The following XYLT1 variants were observed in gnomAD, a reference collection of about 807,000 sequenced individuals.
XYLT1 encodes the protein xylosyltransferase 1.
In XYLT1, 36 loss-of-function variants were observed where a neutral mutation model predicts 91.3. The ratio of observed to expected loss-of-function variants is 0.39; its 90% CI spans 0.30 to 0.52. The LOEUF (loss-of-function observed/expected upper bound fraction) is 0.52. Ranked by LOEUF, XYLT1 falls within the 20% of genes least tolerant of loss-of-function variation. XYLT1 has a pLI of 0.68. For missense variants in XYLT1, 1,242 were observed against 1,284.5 expected (o/e 0.97, Z 0.51); for synonymous variants, 588 against 532.0 (o/e 1.11, Z -1.45).
At chr16:17,414,334 T>C (rs1023493749) in intron 1 of XYLT1, among the ~76,000 whole-genome samples, 3 of 151,812 alleles carry the variant, frequency 2.0e-5, no homozygotes, top group African/African-American at 7.3e-5. Context: ...TTCATTTATT[T>C]GTATTTATTT....
chr16:17,399,136 C>T (rs1475009520), intron 1 of XYLT1, among the ~76,000 whole-genome samples: 1 of 152,152 alleles, frequency 6.6e-6, no homozygotes, highest in Non-Finnish European at 1.5e-5. Flanking sequence ...GGTCAACTTC[C>T]AATGTACTGG....
chr16:17,201,529 C>T (rs2032542004), intron 3 of XYLT1, among the ~76,000 whole-genome samples: 1 of 148,894 alleles, frequency 6.7e-6, no homozygotes, highest in Non-Finnish European at 1.5e-5. Context: ...GGCTGCAGTG[C>T]AGTGGTGCGA....
At chr16:17,249,485 T>C (rs971323548) in intron 3 of XYLT1, among the ~76,000 whole-genome samples, 2 of 152,160 alleles carry the variant, frequency 1.3e-5, no homozygotes, top group Non-Finnish European at 2.9e-5. Context: ...TCTAAACCAA[T>C]GTCAGGCACA....
At position 17,167,185 on chromosome 16, in the gene XYLT1, T is replaced by A. The variant is rs935631950; in HGVS notation, c.1290-8276A>T. 1.1e-4 allele frequency among the ~76,000 whole-genome samples: 16 copies of A among 152,294 alleles called. No individual in the cohort carries two copies. In the East Asian group the frequency reaches 3.1e-3, roughly 29 times the overall value. On this transcript the variant is annotated intron_variant, in intron 5 of 11. Transcript: ENST00000261381. ...GTTTTCAATCCCGCTTTCCCCGTGGTGAATAAGCTTCAGGAATGTGATCCA... is the reference window on the plus strand; with the variant it reads ...GTTTTCAATCCCGCTTTCCCCGTGGAGAATAAGCTTCAGGAATGTGATCCA...
At chr16:17,151,545 C>T (rs182068676) in intron 6 of XYLT1, among the ~76,000 whole-genome samples, 78 of 152,146 alleles carry the variant, frequency 5.1e-4, no homozygotes, top group African/African-American at 1.4e-3. Context: ...AAAATGGGCA[C>T]GATGATGATC....
intron 2 of XYLT1, among the ~76,000 whole-genome samples, chr16:17,292,081 T>TACACACACACACACAC (rs10568382): frequency 5.1e-4 from 76 of 149,084 alleles, no homozygotes; most frequent in African/African-American, 1.7e-3. Flanking sequence ...CACTAAACCA[T>TACACACACACACACAC]ACACACACAC....
chr16:17,181,265 C>T (rs1416545883), intron 5 of XYLT1, among the ~76,000 whole-genome samples: 1 of 152,152 alleles, frequency 6.6e-6, no homozygotes, highest in Non-Finnish European at 1.5e-5. Flanking sequence ...CTACCTTCCT[C>T]ACTCTCATCA....
rs781175765 is a variant in XYLT1, at chr16:17,117,638, G to C, written c.2557+8C>G. 1 of 1,608,390 alleles carries C rather than the reference G, an allele frequency of 6.2e-7. No individual in the cohort carries two copies. The highest frequency in any genetic ancestry group is 1.1e-5 in the South Asian group (1 of 90,654). ...TATTTCTCCCACATAGACACTGGGA[G>C]TACTTACCAGGTTTGATGGGCTGCC... On this transcript the variant is annotated splice_region_variant and intron_variant, in intron 11 of 11. Transcript: ENST00000261381.
At chr16:17,221,832 T>A (rs569314652) in intron 3 of XYLT1, among the ~76,000 whole-genome samples, 16 of 152,230 alleles carry the variant, frequency 1.1e-4, no homozygotes, top group Admixed American at 3.3e-4. Flanking sequence ...AAATCCAGTA[T>A]GAGCCAGGGC....
chr16:17,247,162 T>TTCATTCAC (rs1555490719), intron 3 of XYLT1, among the ~76,000 whole-genome samples: 7 of 151,108 alleles, frequency 4.6e-5, no homozygotes, highest in African/African-American at 1.5e-4. Flanking sequence ...CATTTATTCA[T>TTCATTCAC]TCACTCATTC....
intron 1 of XYLT1, among the ~76,000 whole-genome samples, chr16:17,392,903 C>G (rs2035838506): frequency 6.6e-6 from 1 of 152,158 alleles, no homozygotes; most frequent in Non-Finnish European, 1.5e-5. Flanking sequence ...GAGCTTGAGA[C>G]AAATATATAA....
chr16:17,433,148 T>A (rs535713959), intron 1 of XYLT1, among the ~76,000 whole-genome samples: 1 of 152,038 alleles, frequency 6.6e-6, no homozygotes, highest in Non-Finnish European at 1.5e-5. Flanking sequence ...ACTTGCTAAG[T>A]GGAGAGCCAA....
intron 8 of XYLT1, chr16:17,137,377 G>A (rs185219555): frequency 1.3e-5 from 2 of 152,552 alleles, no homozygotes; most frequent in Admixed American, 1.3e-4. Flanking sequence ...GCTGGGTTAT[G>A]AGCCTGGCAT....
intron 2 of XYLT1, among the ~76,000 whole-genome samples, chr16:17,284,158 T>A (rs998098850): frequency 5.3e-5 from 8 of 152,232 alleles, no homozygotes; most frequent in African/African-American, 1.9e-4. Context: ...CCTTCCTCCC[T>A]CAACAGTCCT....
At chr16:17,254,544 G>A (rs1002119242) in intron 3 of XYLT1, among the ~76,000 whole-genome samples, 40 of 151,632 alleles carry the variant, frequency 2.6e-4, no homozygotes, top group Admixed American at 2.2e-3. Flanking sequence ...ACAGGCATGC[G>A]CCACCACACC....
At chr16:17,423,309 C>G (rs1248309473) in intron 1 of XYLT1, among the ~76,000 whole-genome samples, 2 of 152,204 alleles carry the variant, frequency 1.3e-5, no homozygotes, top group Non-Finnish European at 2.9e-5. Context: ...AACACAGGAT[C>G]AGCTCTGCAC....
At chr16:17,422,971 T>A (rs1399446561) in intron 1 of XYLT1, among the ~76,000 whole-genome samples, 1 of 152,192 alleles carries the variant, frequency 6.6e-6, no homozygotes, top group African/African-American at 2.4e-5. Context: ...GGTCTTCTGC[T>A]AAGAGGCTGA....
intron 4 of XYLT1, among the ~76,000 whole-genome samples, chr16:17,200,179 C>G (rs1448446202): frequency 1.3e-5 from 2 of 151,802 alleles, no homozygotes; most frequent in Non-Finnish European, 2.9e-5. Flanking sequence ...GGAGATCATG[C>G]CACGGCACTC....
intron 2 of XYLT1, among the ~76,000 whole-genome samples, chr16:17,311,976 T>C (rs370795506): frequency 2.0e-5 from 3 of 151,906 alleles, no homozygotes; most frequent in African/African-American, 7.3e-5. Context: ...GGTCCCTCCA[T>C]GGAGGGAGGG....
Sources: allele counts gnomAD v4.1 joint callset (sites outside exome capture counted in the v4.1 genomes callset), GRCh38; gene constraint gnomAD v4.1.1; transcripts MANE v1.5; gene names NCBI Gene and HGNC (gene_info 2026-07-23, HGNC 2026-07-21).